The following TNPO1 variants were observed in gnomAD, a reference collection of about 807,000 sequenced individuals.
TNPO1 encodes transportin-1.
A neutral mutation model predicts 119.5 loss-of-function variants in TNPO1; 8 were observed. The observed-to-expected ratio is 0.07, with a 90% confidence interval of 0.04 to 0.12. The LOEUF (loss-of-function observed/expected upper bound fraction) is 0.12. Among genes scored for constraint, TNPO1 ranks in the 10% least tolerant of loss-of-function variants. The probability of loss-of-function intolerance (pLI) is 1.00; values close to 1 mark genes in which losing one functional copy is unlikely to be tolerated. For synonymous variants in TNPO1, 362 were observed against 363.0 expected (o/e 1.00, Z 0.03); for missense variants, 576 against 1,089.8 (o/e 0.53, Z 6.64).
At chr5:72,829,575 G>A (rs1744356569) in intron 1 of TNPO1, among the ~76,000 whole-genome samples, 1 of 152,200 alleles carries the variant, frequency 6.6e-6, no homozygotes, top group Non-Finnish European at 1.5e-5. Flanking sequence ...AATTTCAGTA[G>A]CAAGTATAAG....
At chr5:72,851,593 A>T (rs1046981619) in intron 3 of TNPO1, among the ~76,000 whole-genome samples, 1 of 152,170 alleles carries the variant, frequency 6.6e-6, no homozygotes, top group Non-Finnish European at 1.5e-5. Context: ...CCCGGGTTCA[A>T]GCAATGCTCA....
chr5:72,825,898 C>T (rs1744188887), intron 1 of TNPO1: 2 of 152,230 alleles, frequency 1.3e-5, no homozygotes, highest in Admixed American at 6.5e-5. Flanking sequence ...TGGACTAAGA[C>T]ATTCCCTTTC....
chr5:72,851,370 TA>T, intron 3 of TNPO1, 51 bp downstream of exon 3: 1 of 1,038,894 alleles, frequency 9.6e-7, no homozygotes, highest in East Asian at 2.4e-5. Context: ...AAGACCTGTT[TA>T]AATGTACTGA....
Position 72,914,257 on chromosome 5 carries a change from C to G in TNPO1, c.*5584C>G, listed in dbSNP as rs1191114537. 6.6e-6 allele frequency: 1 copy of G among 152,472 alleles called. No individual in the cohort carries two copies. The highest frequency in any genetic ancestry group is 1.5e-5 in the Non-Finnish European group (1 of 67,978). 9.4% of individuals were successfully genotyped at this position (152,472 alleles called of 1,614,324 possible). On this transcript the variant is annotated 3_prime_UTR_variant, in exon 25 of 25. Transcript: ENST00000337273. The stretch of plus-strand genomic sequence containing the variant: ...TTTTAAAGAGAGTTTTTTGGGGCCA[C>G]CAAATATTTTGGATCATGCAGAGAA...
intron 15 of TNPO1, among the ~76,000 whole-genome samples, chr5:72,892,437 C>T (rs1045550338): frequency 3.3e-5 from 5 of 152,088 alleles, no homozygotes; most frequent in Non-Finnish European, 4.4e-5. Flanking sequence ...TCAAGGTTCA[C>T]CATCTTCTAC....
rs148871485 is a variant in TNPO1 at position 72,866,985 on chromosome 5, C to T, written c.596+1256C>T. Reference sequence around the variant, plus strand: ...AGGCCAGGAGTTAGAGACCAGCCTACGCAACATAGCAAGACCCTTTCTCTA... The same window carrying T: ...AGGCCAGGAGTTAGAGACCAGCCTATGCAACATAGCAAGACCCTTTCTCTA... On this transcript the variant is annotated intron_variant, in intron 6 of 24. Transcript: ENST00000337273. Among the ~76,000 whole-genome samples, 6 of 151,742 alleles carry T rather than the reference C, an allele frequency of 4.0e-5. No homozygotes were observed. The East Asian group carries it at 7.7e-4, about 20-fold the overall frequency.
At chr5:72,899,616 A>G (rs186082407) in intron 20 of TNPO1, among the ~76,000 whole-genome samples, 14 of 152,290 alleles carry the variant, frequency 9.2e-5, no homozygotes, top group Non-Finnish European at 8.8e-5. Flanking sequence ...TTATTATTAA[A>G]TTCTGAAATT....
intron 9 of TNPO1, chr5:72,878,658 C>A (rs879274491): frequency 1.0e-5 from 2 of 200,424 alleles, no homozygotes; most frequent in Admixed American, 6.0e-5. Flanking sequence ...CCTCGAAATA[C>A]ACTGACTGGA....
chr5:72,903,822 G>GTA, intron 23 of TNPO1, 39 bp downstream of exon 23: 1 of 1,316,086 alleles, frequency 7.6e-7, no homozygotes, highest in Non-Finnish European at 1.1e-6. Flanking sequence ...TCTTGAGACT[G>GTA]TTAATATCCT....
chr5:72,867,676 TC>T (rs1433349257), intron 6 of TNPO1, among the ~76,000 whole-genome samples: 4 of 152,212 alleles, frequency 2.6e-5, no homozygotes, highest in African/African-American at 7.2e-5. Flanking sequence ...ATTTCATACT[TC>T]CCTTACATTT....
intron 6 of TNPO1, among the ~76,000 whole-genome samples, chr5:72,868,893 A>G (rs925122117): frequency 6.6e-6 from 1 of 152,080 alleles, no homozygotes; most frequent in African/African-American, 2.4e-5. Flanking sequence ...TTGTAATCCT[A>G]GCTACTCGGG....
chr5:72,836,582 C>A (rs1744702324), intron 1 of TNPO1, among the ~76,000 whole-genome samples: 1 of 152,180 alleles, frequency 6.6e-6, no homozygotes, highest in African/African-American at 2.4e-5. Context: ...CCTTTTGGTT[C>A]ATTTGTTCAT....
At chr5:72,908,034 CAG>C (rs531498241) in intron 24 of TNPO1, among the ~76,000 whole-genome samples, 8 of 152,264 alleles carry the variant, frequency 5.3e-5, no homozygotes, top group African/African-American at 9.6e-5. Context: ...GCCTGGGTGA[CAG>C]AGCAAGGTGC....
At chr5:72,869,166 A>G (rs1324679651) in intron 6 of TNPO1, among the ~76,000 whole-genome samples, 4 of 152,172 alleles carry the variant, frequency 2.6e-5, no homozygotes, top group East Asian at 3.8e-4. Context: ...CGTTACTCCT[A>G]TTTATAAGGT....
At chr5:72,900,425 T>G (rs1260135152) in intron 21 of TNPO1, among the ~76,000 whole-genome samples, 2 of 152,210 alleles carry the variant, frequency 1.3e-5, no homozygotes, top group African/African-American at 4.8e-5. Flanking sequence ...TTACGTTTCT[T>G]TTTTAGAATT....
intron 2 of TNPO1, among the ~76,000 whole-genome samples, chr5:72,849,063 C>T (rs969189404): frequency 2.2e-4 from 34 of 152,222 alleles, no homozygotes; most frequent in African/African-American, 7.9e-4. Flanking sequence ...AGGCTGGGGA[C>T]CTACAGGTGG....
At chr5:72,886,905 A>C (rs1484729430) in intron 11 of TNPO1, among the ~76,000 whole-genome samples, 165 bp from the exon 12 acceptor site, 1 of 151,616 alleles carries the variant, frequency 6.6e-6, no homozygotes, top group Non-Finnish European at 1.5e-5. Context: ...AAAAAAAAAA[A>C]AAAAAACCAC....
Position 72,913,781 on chromosome 5 carries a change from GTGT to G in TNPO1, c.*5116_*5118del, listed in dbSNP as rs1463306261. On this transcript the variant is annotated 3_prime_UTR_variant, in exon 25 of 25. Coordinates refer to ENST00000337273, the MANE Select transcript of TNPO1 (RefSeq NM_002270.4). ...TCCACTGTACTTTCCGCATATTACT[GTGT>G]TGTTGTTTTCCTTTGTGGATATATA... 4 of 152,496 alleles carry G rather than the reference GTGT, an allele frequency of 2.6e-5. No individual in the cohort carries two copies. Among genetic ancestry groups the G allele is most frequent in the South Asian group, 2.1e-4 (1 of 4,828 alleles). The allele number at this position is 152,496 out of a possible 1,614,324, so 9.4% of individuals were successfully genotyped here.
chr5:72,843,127 G>A (rs1580379600), intron 1 of TNPO1, among the ~76,000 whole-genome samples: 1 of 152,180 alleles, frequency 6.6e-6, no homozygotes. Flanking sequence ...GAGAGTGCTA[G>A]ATGTTCACCA....
Sources: gnomAD v4.1 joint callset for allele counts (sites outside exome capture counted in the v4.1 genomes callset) on GRCh38, gnomAD v4.1.1 for gene constraint, MANE v1.5 for transcripts, NCBI Gene and HGNC (gene_info 2026-07-23, HGNC 2026-07-21) for gene names.